The following ZNF799 variants were observed in gnomAD, a reference collection of about 807,000 sequenced individuals.
The protein encoded by ZNF799 is zinc finger protein 14.
In ZNF799, 28 loss-of-function variants were observed where a neutral mutation model predicts 41.0. That is an observed-to-expected ratio of 0.68 (90% CI 0.51 to 0.94). The LOEUF is 0.94. Among genes scored for constraint, ZNF799 ranks in the 40% least tolerant of loss-of-function variants. The pLI, the probability that ZNF799 is intolerant of heterozygous loss-of-function variation, is 0.00. For synonymous variants in ZNF799, 213 were observed against 252.9 expected, an observed-to-expected ratio of 0.84 and a Z score of 1.50; for missense variants, 716 against 764.3, an observed-to-expected ratio of 0.94 and a Z score of 0.74.
intron 1 of ZNF799, chr19:12,400,757 T>C (rs1969967104): frequency 1.8e-6 from 1 of 557,776 alleles, no homozygotes; most frequent in South Asian, 2.1e-5. Context: ...AGCGTCTCGG[T>C]GCAGTGAGTC....
Position 12,392,073 on chromosome 19 carries a change from C to T in ZNF799, c.325G>A (p.Gly109Arg), listed in dbSNP as rs1361789836. 6.2e-7 allele frequency: 1 copy of T among 1,614,068 alleles called. No individual in the cohort carries two copies. The highest frequency in any genetic ancestry group is 1.3e-5 in the African/African-American group (1 of 74,940). The change falls in exon 4 of 4, where the codon GGA (glycine) becomes AGA (arginine). Residue 109 changes from glycine to arginine, a missense_variant. Physicochemically the swap from Gly to Arg is moderately radical, Grantham distance 125 (BLOSUM62 -2). This residue lies in a region of ZNF799 where 698 missense variants were observed against 713.6 expected (regional missense o/e 0.98). Transcript: ENST00000430385. ...GVGPYESRMS[G>R]EVIMGHSSLN... ...GATGAATGACCCATGATGACTTCTC[C>T]ACTCATACGGCTTTCATATGGACCT...
the ZNF799 span, among the ~76,000 whole-genome samples, chr19:12,408,071 T>C: frequency 6.6e-6 from 1 of 152,008 alleles, no homozygotes; most frequent in African/African-American, 2.4e-5. Context: ...CAGTGGGATC[T>C]TGAGCCCAGG....
intron 1 of ZNF799, chr19:12,398,252 C>T (rs1969929459): frequency 2.8e-5 from 3 of 107,828 alleles, no homozygotes; most frequent in Non-Finnish European, 5.4e-5. Context: ...GAGTGAGACG[C>T]TGTCTCAAAA....
the ZNF799 span, among the ~76,000 whole-genome samples, chr19:12,414,920 A>G: frequency 6.6e-6 from 1 of 152,160 alleles, no homozygotes; most frequent in Non-Finnish European, 1.5e-5. Context: ...TCCTGCTTGC[A>G]CACTGTGGAA....
the ZNF799 span, among the ~76,000 whole-genome samples, chr19:12,413,896 G>C: frequency 6.6e-6 from 1 of 152,178 alleles, no homozygotes; most frequent in South Asian, 2.1e-4. Flanking sequence ...GCCCCAGCTG[G>C]TAACAGCTGG....
Position 12,390,295 on chromosome 19 carries a change from A to G in ZNF799, c.*171T>C, listed in dbSNP as rs1969787375. On this transcript the variant is annotated 3_prime_UTR_variant, in exon 4 of 4. Coordinates refer to ENST00000430385, the MANE Select transcript of ZNF799 (RefSeq NM_001080821.3). ...CATGGCTCACGGAGTGCTGGAACCA[A>G]TACCCAGCAGGTATCAAGGGATGAC... is the stretch of plus-strand genomic sequence containing the variant. 1.6e-6 allele frequency: 2 copies of G among 1,259,470 alleles called. No individual in the cohort carries two copies. The highest frequency in any genetic ancestry group is 5.4e-5 in the Admixed American group (2 of 36,866). The allele number at this position is 1,259,470 out of a possible 1,614,324, so 78.0% of individuals were successfully genotyped here.
chr19:12,394,804 A>G, intron 1 of ZNF799: 1 of 985,388 alleles, frequency 1.0e-6, no homozygotes, highest in African/African-American at 1.7e-5. Flanking sequence ...TAGAACTCAC[A>G]GTATCTAAAA....
chr19:12,393,662 T>C, intron 1 of ZNF799: 1 of 1,363,168 alleles, frequency 7.3e-7, no homozygotes, highest in Non-Finnish European at 9.5e-7. Context: ...GTTGGCGAAC[T>C]GAGTGAGTGA....
Position 12,391,027 on chromosome 19 carries a change from A to G in ZNF799, c.1371T>C (p.Phe457=), listed in dbSNP as rs961919408. The change falls in exon 4 of 4, where the codon TTT becomes TTC. Residue 457 remains phenylalanine (F), a synonymous_variant. Transcript: ENST00000430385. ...KPYKCKCGKA[F]IDFYSFQNHK... is the part of the protein sequence containing the mutation. ...GATTTTGAAAGGAATAGAAATCAATAAAGGCTTTCCCACATTTGCATTTAT... is the reference window on the plus strand; with the variant it reads ...GATTTTGAAAGGAATAGAAATCAATGAAGGCTTTCCCACATTTGCATTTAT... The G allele has an allele frequency of 5.6e-6, 9 of 1,614,048 alleles. No individual in the cohort carries two copies. Among genetic ancestry groups the G allele is most frequent in the Non-Finnish European group, 7.6e-6 (9 of 1,180,030 alleles).
chr19:12,404,788 A>G (rs1172247595), upstream of ZNF799, among the ~76,000 whole-genome samples: 1 of 152,224 alleles, frequency 6.6e-6, no homozygotes, highest in Non-Finnish European at 1.5e-5. Context: ...AAATACATCA[A>G]AAGCCTGCAA....
Position 12,391,471 on chromosome 19 carries a change from A to G in ZNF799, c.927T>C (p.Tyr309=). The G allele has an allele frequency of 6.2e-7, 1 of 1,614,120 alleles. No homozygotes were observed. Among genetic ancestry groups the G allele is most frequent in the Admixed American group, 1.7e-5 (1 of 60,010 alleles). ...HETTHTDEKP[Y]ACQQCGKAFH... ...ACGCTTTCCCACATTGCTGACATGCATAGGGTTTCTCATCAGTGTGAGTTG... is the reference window on the plus strand; with the variant it reads ...ACGCTTTCCCACATTGCTGACATGCGTAGGGTTTCTCATCAGTGTGAGTTG... Residue 309 remains tyrosine (Y), a synonymous_variant, in exon 4 of 4, where the codon TAT becomes TAC. Transcript: ENST00000430385.
chr19:12,406,186 GA>G (rs1319433721), upstream of ZNF799, among the ~76,000 whole-genome samples: 154 of 111,152 alleles, frequency 1.4e-3, no homozygotes, highest in African/African-American at 4.4e-3. Context: ...AAAAAAAAAA[GA>G]AAAAAAAAAA....
At chr19:12,401,319 T>C (rs961534708), upstream of ZNF799, 4 of 1,197,260 alleles carry the variant, frequency 3.3e-6, no homozygotes, top group African/African-American at 6.2e-5. Context: ...CGGCGTCAGG[T>C]GCCGCCCCTC....
chr19:12,400,748 G>A, intron 1 of ZNF799: 1 of 548,004 alleles, frequency 1.8e-6, no homozygotes, highest in Non-Finnish European at 3.2e-6. Context: ...GCAGCCCTCA[G>A]CGTCTCGGTG....
At chr19:12,414,091 G>A in the ZNF799 span, among the ~76,000 whole-genome samples, 1 of 152,192 alleles carries the variant, frequency 6.6e-6, no homozygotes. Context: ...CCAAGCGCAA[G>A]GAGTGGAGAA....
chr19:12,391,115 T>C lies in ZNF799; in HGVS notation c.1283A>G (p.Lys428Arg), dbSNP rs776694616. 1.2e-6 allele frequency: 2 copies of C among 1,614,202 alleles called. No individual in the cohort carries two copies. The highest frequency in any genetic ancestry group is 1.1e-5 in the South Asian group (1 of 91,082). Residue 428 changes from lysine (K) to arginine (R), a missense_variant, in exon 4 of 4, where the codon AAA becomes AGA. Coordinates refer to ENST00000430385, the MANE Select transcript of ZNF799 (RefSeq NM_001080821.3). ...EKPYKCKQCG[K>R]AYRISSSLRR... The stretch of plus-strand genomic sequence containing the variant: ...AAGAGAACTGGAAATACGGTAGGCT[T>C]TGCCACATTGTTTACATTTATAGGG...
At position 12,390,967 on chromosome 19, in the gene ZNF799, C is replaced by G; in HGVS notation, c.1431G>C (p.Glu477Asp). 1 of 1,614,002 alleles carries G rather than the reference C, an allele frequency of 6.2e-7. No homozygotes were observed. Among genetic ancestry groups the G allele is most frequent in the Non-Finnish European group, 8.5e-7 (1 of 1,179,974 alleles). The stretch of plus-strand genomic sequence containing the variant: ...TGAATGCTTTCCCACATTCCTTACA[C>G]TCATATGGCTTCTCTCCAGCATGAG... ...KTTHAGEKPYECKECGKAFSC... is the reference protein window; with the variant it reads ...KTTHAGEKPYDCKECGKAFSC... Residue 477 changes from glutamate (E) to aspartate (D), a missense_variant, in exon 4 of 4, where the codon GAG becomes GAC. Glu to Asp is a conservative substitution (Grantham distance 45). Transcript: ENST00000430385.
chr19:12,391,474 G>C lies in ZNF799; in HGVS notation c.924C>G (p.Pro308=). Residue 308 remains proline, a synonymous_variant, in exon 4 of 4, where the codon CCC becomes CCG. Coordinates refer to ENST00000430385, the MANE Select transcript of ZNF799 (RefSeq NM_001080821.3). ...CTTTCCCACATTGCTGACATGCATA[G>C]GGTTTCTCATCAGTGTGAGTTGTTT... ...RHETTHTDEK[P]YACQQCGKAF... The C allele has an allele frequency of 6.2e-7, 1 of 1,613,980 alleles. No individual in the cohort carries two copies. Among genetic ancestry groups the C allele is most frequent in the Non-Finnish European group, 8.5e-7 (1 of 1,179,960 alleles).
upstream of ZNF799, among the ~76,000 whole-genome samples, chr19:12,405,127 G>A (rs1373881538): frequency 2.0e-5 from 3 of 152,128 alleles, no homozygotes; most frequent in Non-Finnish European, 4.4e-5. Context: ...TTCAGTTTTG[G>A]GGCTTGGACT....
Sources: allele counts gnomAD v4.1 joint callset (sites outside exome capture counted in the v4.1 genomes callset), GRCh38; gene constraint gnomAD v4.1.1; regional missense constraint gnomAD v4.1.1; transcripts MANE v1.5; gene names NCBI Gene and HGNC (gene_info 2026-07-23, HGNC 2026-07-21).